Variants in LAMA4 observed in about 807,000 individuals in gnomAD.
LAMA4 encodes the protein laminin subunit alpha-4.
Under a neutral mutation model 207.1 loss-of-function variants are expected in LAMA4, and 127 were observed. That is an observed-to-expected ratio of 0.61 (90% confidence interval 0.53 to 0.71). LAMA4 has a LOEUF of 0.71. Among genes scored for constraint, LAMA4 ranks in the 30% least tolerant of loss-of-function variants. The probability of loss-of-function intolerance (pLI) is 0.00; values close to 1 mark genes in which losing one functional copy is unlikely to be tolerated. For missense variants in LAMA4, 2,093 were observed against 2,246.5 expected (o/e 0.93, Z 1.38); for synonymous variants, 761 against 816.0 (o/e 0.93, Z 1.15).
intron 9 of LAMA4, among the ~76,000 whole-genome samples, chr6:112,181,824 C>A (rs1015100339): frequency 1.3e-5 from 2 of 152,132 alleles, no homozygotes; most frequent in Admixed American, 1.3e-4. Flanking sequence ...ACAGGCCGGG[C>A]GCGGTGGCTC....
At position 112,138,439 on chromosome 6, in the gene LAMA4, T is replaced by C. The variant is rs181567262; in HGVS notation, c.3282+681A>G. On this transcript the variant is annotated intron_variant, in intron 24 of 38. Coordinates refer to ENST00000230538, the MANE Select transcript of LAMA4 (RefSeq NM_001105206.3). ...TTGAATCACTGTGTCACAAAGAGTT[T>C]AAGGATTTTTGAAAATATTTAGCAT... 2.0e-5 allele frequency among the ~76,000 whole-genome samples: 3 copies of C among 152,318 alleles called. No individual in the cohort carries two copies. In the East Asian group the frequency reaches 5.8e-4, roughly 29 times the overall value.
rs786205414 is a variant in LAMA4, at chr6:112,253,882, GAGA to G, written c.195+71_195+73del. 1,060 of 1,614,174 alleles carry G rather than the reference GAGA, an allele frequency of 6.6e-4. No homozygotes were observed. Among genetic ancestry groups the G allele is most frequent in the Non-Finnish European group, 8.3e-4 (977 of 1,179,982 alleles). The stretch of plus-strand genomic sequence containing the variant: ...GGGAGAGGAAAGAGGCGGAGAGAGA[GAGA>G]AGGACGAGTGTGGCACAGCCCGCGG... On this transcript the variant is annotated intron_variant, in intron 2 of 38. Transcript: ENST00000230538.
intron 2 of LAMA4, among the ~76,000 whole-genome samples, chr6:112,220,965 C>T (rs1784891685): frequency 6.6e-6 from 1 of 152,122 alleles, no homozygotes; most frequent in South Asian, 2.1e-4. Context: ...ACTACTTTTG[C>T]ATAGATACAG....
At chr6:112,116,383 G>C (rs9384820) in intron 35 of LAMA4, among the ~76,000 whole-genome samples, 11,599 of 152,216 alleles carry the variant, frequency 0.076, 754 homozygotes, top group East Asian at 0.27. Context: ...GCACTGTGAA[G>C]GCCACTGTGG....
Position 112,134,466 on chromosome 6 carries a change from C to T in LAMA4, c.3557+1G>A. The stretch of plus-strand genomic sequence containing the variant: ...AACAGCTACTTAACAAAAAGCCTTA[C>T]CTGGATTGTAAGATTTCTGGAGGAG... On this transcript the variant is annotated splice_donor_variant, in intron 26 of 38. Coordinates refer to ENST00000230538, the MANE Select transcript of LAMA4 (RefSeq NM_001105206.3). LOFTEE classifies it high-confidence loss of function. The T allele has an allele frequency of 6.2e-7, 1 of 1,613,404 alleles. No homozygotes were observed. Among genetic ancestry groups the T allele is most frequent in the Non-Finnish European group, 8.5e-7 (1 of 1,179,574 alleles).
At position 112,130,164 on chromosome 6, in the gene LAMA4, C is replaced by T. The variant is rs1357682912; in HGVS notation, c.3969-124G>A. The stretch of plus-strand genomic sequence containing the variant: ...GAACATGTGGTTAATGAAAAGACAG[C>T]GAGTTGCCAAACTCTTCATGAGGCC... On this transcript the variant is annotated intron_variant, in intron 29 of 38. Transcript: ENST00000230538. 21 of 802,302 alleles carry T rather than the reference C, an allele frequency of 2.6e-5. 1 individual carries two copies. The highest frequency in any genetic ancestry group is 1.0e-4 in the East Asian group (4 of 39,834). 49.7% of individuals were successfully genotyped at this position (802,302 alleles called of 1,614,324 possible). A position where few individuals can be genotyped will look rare whatever the true frequency, so the allele number is the denominator to read the frequency against.
intron 2 of LAMA4, among the ~76,000 whole-genome samples, chr6:112,242,737 C>T (rs1186329265): frequency 1.3e-5 from 2 of 152,170 alleles, no homozygotes; most frequent in African/African-American, 2.4e-5. Context: ...ATTCTGACTT[C>T]GAGACAGTTC....
At chr6:112,130,886 G>T in intron 29 of LAMA4, 82 bp downstream of exon 29, 1 of 1,428,878 alleles carries the variant, frequency 7.0e-7, no homozygotes, top group Non-Finnish European at 9.9e-7. Context: ...TTATAGGACA[G>T]CCTATTATTC....
chr6:112,225,928 T>C (rs1213673571), intron 2 of LAMA4, among the ~76,000 whole-genome samples: 3 of 152,214 alleles, frequency 2.0e-5, no homozygotes, highest in African/African-American at 7.2e-5. Flanking sequence ...GTTTTATTGT[T>C]GTTTTTAAAT....
chr6:112,148,892 ATTAT>A (rs1424242208), intron 17 of LAMA4, among the ~76,000 whole-genome samples: 1 of 151,004 alleles, frequency 6.6e-6, no homozygotes, highest in Non-Finnish European at 1.5e-5. Context: ...TTCTATGAGA[ATTAT>A]TTATTATTTT....
intron 30 of LAMA4, 113 bp from the exon 31 acceptor site, chr6:112,129,188 ATGTGTG>A: frequency 2.0e-6 from 1 of 493,848 alleles, no homozygotes; most frequent in Non-Finnish European, 3.4e-6. Context: ...GTGTGTGTGC[ATGTGTG>A]TGTGTGTGTA....
intron 2 of LAMA4, among the ~76,000 whole-genome samples, chr6:112,245,008 C>T (rs986269545): frequency 1.3e-5 from 2 of 152,066 alleles, no homozygotes; most frequent in Admixed American, 6.5e-5. Context: ...ACAATTAAAC[C>T]GCAGCCCATC....
chr6:112,225,841 G>C (rs970590454), intron 2 of LAMA4, among the ~76,000 whole-genome samples: 1 of 152,206 alleles, frequency 6.6e-6, no homozygotes, highest in Admixed American at 6.5e-5. Flanking sequence ...AGTTCTCAGG[G>C]AGGATAATTT....
At chr6:112,162,965 CTTTTTTTT>C (rs34824903) in intron 13 of LAMA4, among the ~76,000 whole-genome samples, 4,263 of 91,488 alleles carry the variant, frequency 0.047, 239 homozygotes, top group African/African-American at 0.18. Context: ...CAGCTCAAAT[CTTTTTTTT>C]TTTTTTTTTT....
intron 35 of LAMA4, 135 bp from the exon 36 acceptor site, chr6:112,116,128 G>A: frequency 1.2e-6 from 1 of 845,218 alleles, no homozygotes; most frequent in South Asian, 1.5e-5. Context: ...GTAGAAAGTG[G>A]CTTTTCCATG....
chr6:112,200,047 T>C (rs1033018100), intron 5 of LAMA4: 8 of 515,208 alleles, frequency 1.6e-5, no homozygotes, highest in Non-Finnish European at 3.2e-5. Flanking sequence ...CAAGAAAACC[T>C]GTCTGAGAGA....
chr6:112,177,978 CT>C, intron 10 of LAMA4, 142 bp downstream of exon 10: 1 of 674,328 alleles, frequency 1.5e-6, no homozygotes, highest in South Asian at 1.7e-5. Flanking sequence ...AAATGAAGAC[CT>C]TATACAAGTT....
chr6:112,146,208 T>G (rs1399334234), intron 18 of LAMA4, among the ~76,000 whole-genome samples: 1 of 151,808 alleles, frequency 6.6e-6, no homozygotes, highest in Non-Finnish European at 1.5e-5. Flanking sequence ...GAGAATCGCT[T>G]GAACCCGAGA....
chr6:112,253,818 C>T (rs782811735), intron 2 of LAMA4, 138 bp downstream of exon 2: 1 of 1,614,238 alleles, frequency 6.2e-7, no homozygotes, highest in Non-Finnish European at 8.5e-7. Flanking sequence ...TTTCAAGTTT[C>T]CGAACTGACC....
Sources: allele counts gnomAD v4.1 joint callset (sites outside exome capture counted in the v4.1 genomes callset), GRCh38; gene constraint gnomAD v4.1.1; transcripts MANE v1.5; gene names NCBI Gene and HGNC (gene_info 2026-07-23, HGNC 2026-07-21).